FAT2: variants seen among roughly 807,000 people sequenced by gnomAD.
FAT2 encodes FAT atypical cadherin 2.
In FAT2, 150 loss-of-function variants were observed where a neutral mutation model predicts 295.3. The ratio of observed to expected loss-of-function variants is 0.51; its 90% CI spans 0.44 to 0.58. The LOEUF (loss-of-function observed/expected upper bound fraction) is 0.58, where lower values mean the gene tolerates loss of function less well. FAT2 is among the 20% of genes least tolerant of loss of function. The pLI, the probability that FAT2 is intolerant of heterozygous loss-of-function variation, is 0.00. For missense variants in FAT2, 4,868 were observed against 5,442.7 expected, an observed-to-expected ratio of 0.89 and a Z score of 3.32; for synonymous variants, 2,026 against 2,150.3, an observed-to-expected ratio of 0.94 and a Z score of 1.60.
At chr5:151,509,916 C>G in intron 22 of FAT2, 105 bp downstream of exon 22, 2 of 1,327,628 alleles carry the variant, frequency 1.5e-6, no homozygotes, top group Non-Finnish European at 2.1e-6. Context: ...AAGCCAGGTC[C>G]CTGCAGCACT....
At chr5:151,532,093 T>A in intron 13 of FAT2, 123 bp from the exon 14 acceptor site, 1 of 1,313,368 alleles carries the variant, frequency 7.6e-7, no homozygotes, top group Non-Finnish European at 1.1e-6. Context: ...CAAGCTGGCT[T>A]GGGTATATGA....
chr5:151,517,062 C>G (rs1752941912), intron 20 of FAT2, among the ~76,000 whole-genome samples: 1 of 150,478 alleles, frequency 6.6e-6, no homozygotes, highest in Non-Finnish European at 1.5e-5. Flanking sequence ...GATCTGAAAT[C>G]ACACCACTGC....
chr5:151,559,911 A>C (rs1757947734), intron 3 of FAT2, among the ~76,000 whole-genome samples: 1 of 152,160 alleles, frequency 6.6e-6, no homozygotes. Flanking sequence ...CATGTTCACT[A>C]AGGTGCATAG....
chr5:151,538,030 G>C (rs946026686), intron 11 of FAT2, 84 bp from the exon 12 acceptor site: 1 of 1,251,266 alleles, frequency 8.0e-7, no homozygotes, highest in Admixed American at 2.1e-5. Flanking sequence ...ACTGAGGGAG[G>C]CAGAAGCAGA....
At chr5:151,560,832 G>T (rs888787833) in intron 3 of FAT2, among the ~76,000 whole-genome samples, 3 of 152,200 alleles carry the variant, frequency 2.0e-5, no homozygotes, top group Non-Finnish European at 4.4e-5. Context: ...TGAATCTTGG[G>T]CTTAACAAAA....
intron 3 of FAT2, among the ~76,000 whole-genome samples, chr5:151,559,916 G>T (rs1035634161): frequency 2.6e-5 from 4 of 152,138 alleles, no homozygotes; most frequent in Non-Finnish European, 5.9e-5. Flanking sequence ...TCACTAAGGT[G>T]CATAGAAAAC....
At chr5:151,516,953 C>CA (rs1245731680) in intron 20 of FAT2, among the ~76,000 whole-genome samples, 1 of 151,844 alleles carries the variant, frequency 6.6e-6, no homozygotes, top group Non-Finnish European at 1.5e-5. Flanking sequence ...TTAAAAAATA[C>CA]AAAAAATAGC....
intron 20 of FAT2, among the ~76,000 whole-genome samples, chr5:151,515,544 T>G (rs1752769682): frequency 1.3e-5 from 2 of 152,168 alleles, no homozygotes; most frequent in African/African-American, 4.8e-5. Context: ...TCCCCAAACC[T>G]TGTATCCACC....
Position 151,567,682 on chromosome 5 carries a change from G to A in FAT2, c.1250C>T (p.Thr417Ile), listed in dbSNP as rs1254442227. The change falls in exon 2 of 24, where the codon ACC becomes ATC. Residue 417 changes from threonine (T) to isoleucine (I), a missense_variant. Transcript: ENST00000261800. ...KLNARTGLIT[T>I]TKLMDFHDRA... is the part of the protein sequence containing the mutation. ...GTCGTGGAAGTCCATGAGCTTTGTG[G>A]TGGTGATCAACCCAGTTCGAGCATT... 8 of 1,614,072 alleles carry A rather than the reference G, an allele frequency of 5.0e-6. No homozygotes were observed. Among genetic ancestry groups the A allele is most frequent in the African/African-American group, 1.3e-5 (1 of 74,916 alleles).
In FAT2 at chr5:151,567,627, G is replaced by A. The variant is rs2127648352; in HGVS notation, c.1305C>T (p.Thr435=). 6.2e-7 allele frequency: 1 copy of A among 1,614,122 alleles called. No homozygotes were observed. The highest frequency in any genetic ancestry group is 8.5e-7 in the Non-Finnish European group (1 of 1,180,016). The change falls in exon 2 of 24, where the codon ACC becomes ACT. Residue 435 remains threonine (T), a synonymous_variant. Coordinates refer to ENST00000261800, the MANE Select transcript of FAT2 (RefSeq NM_001447.3). ...CCACGGTGGAGGCCTGGCCCGGTGA[G>A]GTTCTGATGTGTAGCTGATAGTGGG... The part of the protein sequence containing the change: ...DRAHYQLHIR[T]SPGQASTVVV...
Position 151,542,914 on chromosome 5 carries a change from C to T in FAT2, c.8213G>A (p.Gly2738Asp), listed in dbSNP as rs1756290917. ...TGTGTCTGGGTCTAGGGAGAAGACA[C>T]CATCCTTGTTGCTCTCAGGTGTAGT... is the stretch of plus-strand genomic sequence containing the variant. ...RGTTPESNKD[G>D]VFSLDPDTGV... is the part of the protein sequence containing the mutation. The change falls in exon 10 of 24, where the codon GGT becomes GAT. Residue 2738 changes from glycine (G) to aspartate (D), a missense_variant. By Grantham distance (94) the Gly-to-Asp change is moderately conservative. Transcript: ENST00000261800. 6.2e-7 allele frequency: 1 copy of T among 1,614,200 alleles called. No homozygotes were observed.
Position 151,588,371 on chromosome 5 carries a change from T to C in FAT2, c.-21+2794A>G, listed in dbSNP as rs116619048. Among the ~76,000 whole-genome samples the C allele has an allele frequency of 2.9e-3, 442 of 152,298 alleles. 2 individuals carry two copies. The highest frequency in any genetic ancestry group is 0.01 in the African/African-American group (420 of 41,572). ...AACAGAGGCAAGTCCAAGTTCTGCATAGTGGTCTGGTTTTCCCCACTGCTG... is the reference window on the plus strand; with the variant it reads ...AACAGAGGCAAGTCCAAGTTCTGCACAGTGGTCTGGTTTTCCCCACTGCTG... On this transcript the variant is annotated intron_variant, in intron 1 of 23. Coordinates refer to ENST00000261800, the MANE Select transcript of FAT2 (RefSeq NM_001447.3).
At chr5:151,511,922 T>C (rs1484677544) in intron 21 of FAT2, 3 of 546,114 alleles carry the variant, frequency 5.5e-6, no homozygotes, top group Admixed American at 3.1e-5. Context: ...GCCCCTGAGG[T>C]CCCCATTCAT....
At chr5:151,552,733 T>A (rs1757332350) in intron 6 of FAT2, among the ~76,000 whole-genome samples, 1 of 152,172 alleles carries the variant, frequency 6.6e-6, no homozygotes, top group Non-Finnish European at 1.5e-5. Context: ...CCTCGTAGAA[T>A]GAGAATGGGC....
At position 151,531,749 on chromosome 5, in the gene FAT2, C is replaced by A. The variant is rs537648951; in HGVS notation, c.9649G>T (p.Val3217Leu). Residue 3217 changes from valine (V) to leucine (L), a missense_variant, in exon 14 of 24, where the codon GTG becomes TTG. Physicochemically the swap from Val to Leu is conservative, Grantham distance 32. Transcript: ENST00000261800. The surrounding 1 kb of genome is among the most constrained non-coding windows in gnomAD (Gnocchi z 5.7). ...SVVGLEDYLP[V>L]FLNTEHSVQV... ...ACGCTGTGCTCGGTGTTCAGGAACACGGGCAGGTAGTCTTCTAGGCCCACC... is the reference window on the plus strand; with the variant it reads ...ACGCTGTGCTCGGTGTTCAGGAACAAGGGCAGGTAGTCTTCTAGGCCCACC... 6.2e-7 allele frequency: 1 copy of A among 1,613,494 alleles called. No homozygotes were observed. The highest frequency in any genetic ancestry group is 8.5e-7 in the Non-Finnish European group (1 of 1,179,978).
chr5:151,527,541 G>A (rs1293233584), intron 16 of FAT2, among the ~76,000 whole-genome samples, 164 bp from the exon 17 acceptor site: 1 of 152,072 alleles, frequency 6.6e-6, no homozygotes, highest in Non-Finnish European at 1.5e-5. Flanking sequence ...TCTGGAGTCA[G>A]ACAGAAATAG....
At chr5:151,565,558 T>C (rs1390626633) in intron 2 of FAT2, 115 bp downstream of exon 2, 1 of 1,072,064 alleles carries the variant, frequency 9.3e-7, no homozygotes, top group African/African-American at 1.6e-5. Context: ...ATTTATTGCC[T>C]TTCATTTCAG....
chr5:151,518,029 C>T (rs1482198106), intron 19 of FAT2, among the ~76,000 whole-genome samples: 5 of 152,074 alleles, frequency 3.3e-5, no homozygotes, highest in Non-Finnish European at 7.3e-5. Flanking sequence ...TGAATTTAAA[C>T]CATTAAGAAA....
chr5:151,587,093 G>T (rs1184375643), intron 1 of FAT2, among the ~76,000 whole-genome samples: 2 of 151,680 alleles, frequency 1.3e-5, no homozygotes, highest in Admixed American at 6.6e-5. Flanking sequence ...AGTAAGCCAA[G>T]ATCATGTCAC....
Sources: allele counts gnomAD v4.1 joint callset (sites outside exome capture counted in the v4.1 genomes callset), GRCh38; gene constraint gnomAD v4.1.1; non-coding constraint Gnocchi (gnomAD v3.1); transcripts MANE v1.5; gene names NCBI Gene and HGNC (gene_info 2026-07-23, HGNC 2026-07-21).